IFT52: variants seen among roughly 807,000 people sequenced by gnomAD.
IFT52 encodes the protein intraflagellar transport 52.
A neutral mutation model predicts 54.4 loss-of-function variants in IFT52; 44 were observed. That is an observed-to-expected ratio of 0.81 (90% CI 0.63 to 1.04). The LOEUF is 1.04. Among genes scored for constraint, IFT52 ranks in the 50% least tolerant of loss-of-function variants. The probability of loss-of-function intolerance (pLI) is 0.00; values close to 1 mark genes in which losing one functional copy is unlikely to be tolerated. For missense variants in IFT52, 452 were observed against 523.6 expected (o/e 0.86, Z 1.33); for synonymous variants, 181 against 185.3 (o/e 0.98, Z 0.19).
rs184798210 is a variant in IFT52, at chr20:43,629,916, C to T, written c.923+5871C>T. Among the ~76,000 whole-genome samples, 779 of 152,344 alleles carry T rather than the reference C, an allele frequency of 5.1e-3. 8 individuals are homozygous for T. Among genetic ancestry groups the T allele is most frequent in the Admixed American group, 0.01 (153 of 15,292 alleles). On this transcript the variant is annotated intron_variant, in intron 10 of 13. Coordinates refer to ENST00000373030, the MANE Select transcript of IFT52 (RefSeq NM_016004.5). Reference sequence around the variant, plus strand: ...AGAAATTAAGTGATTTGCTTGAAATCACACAACTAGTTTTCATTGGGACCT... The same window carrying T: ...AGAAATTAAGTGATTTGCTTGAAATTACACAACTAGTTTTCATTGGGACCT...
At chr20:43,639,585 G>A (rs1041654039) in intron 12 of IFT52, among the ~76,000 whole-genome samples, 2 of 152,086 alleles carry the variant, frequency 1.3e-5, no homozygotes, top group African/African-American at 2.4e-5. Context: ...CAGGAGAATC[G>A]CTTGAACCCA....
chr20:43,625,235 G>T (rs1984627004), intron 10 of IFT52, among the ~76,000 whole-genome samples: 1 of 152,096 alleles, frequency 6.6e-6, no homozygotes, highest in Non-Finnish European at 1.5e-5. Context: ...TTCAGGCCAG[G>T]CGTGGTGGCT....
chr20:43,610,865 C>A (rs938120298), intron 6 of IFT52, among the ~76,000 whole-genome samples: 1 of 152,178 alleles, frequency 6.6e-6, no homozygotes, highest in Non-Finnish European at 1.5e-5. Flanking sequence ...TCCTGATTCC[C>A]TCTCTTACTT....
intron 2 of IFT52, 85 bp from the exon 3 acceptor site, chr20:43,596,350 C>A: frequency 1.2e-6 from 1 of 836,168 alleles, no homozygotes; most frequent in South Asian, 1.7e-5. Flanking sequence ...GTGGCCTCTG[C>A]TTCCAAATAG....
chr20:43,624,195 G>A, intron 10 of IFT52, 150 bp downstream of exon 10: 2 of 862,368 alleles, frequency 2.3e-6, no homozygotes, highest in Non-Finnish European at 3.6e-6. Context: ...AAAGAAACTG[G>A]GCTGGGCATG....
chr20:43,611,770 C>G (rs1189707500), intron 6 of IFT52, among the ~76,000 whole-genome samples: 1 of 152,026 alleles, frequency 6.6e-6, no homozygotes, highest in African/African-American at 2.4e-5. Flanking sequence ...TGGCTCACAC[C>G]TGTAATCCCA....
intron 7 of IFT52, among the ~76,000 whole-genome samples, chr20:43,617,761 G>A (rs1292902143): frequency 6.8e-6 from 1 of 146,320 alleles, no homozygotes; most frequent in African/African-American, 2.5e-5. Flanking sequence ...AGCTTTCTTT[G>A]AGACTGAGTC....
chr20:43,597,232 G>A (rs1380184960), intron 3 of IFT52, among the ~76,000 whole-genome samples: 2 of 151,664 alleles, frequency 1.3e-5, no homozygotes, highest in East Asian at 2.0e-4. Context: ...TTAGCCAGGC[G>A]TGGTGGCGCA....
chr20:43,627,385 G>A (rs949954149), intron 10 of IFT52, among the ~76,000 whole-genome samples: 1 of 152,188 alleles, frequency 6.6e-6, no homozygotes, highest in African/African-American at 2.4e-5. Flanking sequence ...CAACATGGAG[G>A]TAACTGGTGA....
Position 43,632,012 on chromosome 20 carries a change from G to A in IFT52, c.924-3914G>A, listed in dbSNP as rs555192835. Among the ~76,000 whole-genome samples, 15 of 148,782 alleles carry A rather than the reference G, an allele frequency of 1.0e-4. No individual in the cohort carries two copies. The East Asian group carries it at 2.4e-3, about 24-fold the overall frequency. ...ACGATCTCCGCTCACCACAACCTCCGCCTCCTGGGTTCAAGCAATTCTCCT... is the reference window on the plus strand; with the variant it reads ...ACGATCTCCGCTCACCACAACCTCCACCTCCTGGGTTCAAGCAATTCTCCT... On this transcript the variant is annotated intron_variant, in intron 10 of 13. Transcript: ENST00000373030.
intron 6 of IFT52, among the ~76,000 whole-genome samples, chr20:43,611,004 A>G (rs533033526): frequency 2.0e-5 from 3 of 152,288 alleles, no homozygotes; most frequent in Admixed American, 6.5e-5. Context: ...TGCTTTGTAA[A>G]GTTGAAAGCC....
intron 6 of IFT52, among the ~76,000 whole-genome samples, chr20:43,610,291 C>CAAA (rs11324612): frequency 2.2e-5 from 2 of 90,028 alleles, no homozygotes; most frequent in East Asian, 3.0e-4. Flanking sequence ...GACACCAACG[C>CAAA]AAAAAAAAAA....
chr20:43,604,988 T>A lies in IFT52; in HGVS notation c.414-14T>A. ...TTTTTTTTGTTTACTAGATTTTAAT[T>A]TTTCTTCTTCAAGGGAAATTAGCCG... On this transcript the variant is annotated splice_polypyrimidine_tract_variant and intron_variant, in intron 5 of 13. Transcript: ENST00000373030. 1 of 1,612,580 alleles carries A rather than the reference T, an allele frequency of 6.2e-7. No homozygotes were observed. Among genetic ancestry groups the A allele is most frequent in the Non-Finnish European group, 8.5e-7 (1 of 1,179,074 alleles).
chr20:43,596,664 G>T, intron 3 of IFT52, 142 bp downstream of exon 3: 1 of 575,400 alleles, frequency 1.7e-6, no homozygotes, highest in Non-Finnish European at 3.2e-6. Flanking sequence ...ATGGAGTTGT[G>T]ATGATTAACT....
chr20:43,642,665 A>C (rs761854024), intron 13 of IFT52, 41 bp downstream of exon 13: 1 of 1,594,282 alleles, frequency 6.3e-7, no homozygotes. Flanking sequence ...GAGCCCCTCC[A>C]GTACTGGTAT....
intron 10 of IFT52, among the ~76,000 whole-genome samples, chr20:43,635,225 T>C (rs1985445963): frequency 6.6e-6 from 1 of 152,022 alleles, no homozygotes; most frequent in Non-Finnish European, 1.5e-5. Context: ...TGGTTTTCTC[T>C]TCCTGTATTA....
At chr20:43,646,716 T>C (rs1341306589) in intron 13 of IFT52, among the ~76,000 whole-genome samples, 1 of 152,120 alleles carries the variant, frequency 6.6e-6, no homozygotes, top group East Asian at 1.9e-4. Context: ...TGTTTGTTAC[T>C]CATCATGGTG....
At chr20:43,600,860 A>G (rs1159483690) in intron 3 of IFT52, among the ~76,000 whole-genome samples, 1 of 152,076 alleles carries the variant, frequency 6.6e-6, no homozygotes, top group East Asian at 1.9e-4. Context: ...AGTCACAACT[A>G]CTCAGGAGGC....
intron 7 of IFT52, among the ~76,000 whole-genome samples, chr20:43,617,663 C>CG (rs1268672420): frequency 6.6e-6 from 1 of 152,140 alleles, no homozygotes; most frequent in Non-Finnish European, 1.5e-5. Context: ...AGCCTGGTCT[C>CG]GAACTCCTGG....
Sources: gnomAD v4.1 joint callset for allele counts (sites outside exome capture counted in the v4.1 genomes callset) on GRCh38, gnomAD v4.1.1 for gene constraint, MANE v1.5 for transcripts, NCBI Gene and HGNC (gene_info 2026-07-23, HGNC 2026-07-21) for gene names.